The following CD4 variants were observed in gnomAD, a reference collection of about 807,000 sequenced individuals.
CD4 encodes the protein CD4 molecule, also known as T-cell surface glycoprotein CD4.
In CD4, 25 loss-of-function variants were observed where a neutral mutation model predicts 50.5. The observed-to-expected ratio is 0.49, with a 90% CI of 0.36 to 0.69. CD4 has a LOEUF of 0.69. CD4 is among the 30% of genes least tolerant of loss of function. CD4 has a pLI of 0.00. For synonymous variants in CD4, 207 were observed against 221.9 expected (o/e 0.93, Z 0.60); for missense variants, 456 against 548.5 (o/e 0.83, Z 1.68).
At chr12:6,807,035 C>G (rs997815691) in intron 3 of CD4, among the ~76,000 whole-genome samples, 1 of 151,860 alleles carries the variant, frequency 6.6e-6, no homozygotes, top group African/African-American at 2.4e-5. Flanking sequence ...GGCGTGGTGG[C>G]GGGCGCCTGT....
At chr12:6,801,293 G>A (rs1942537710) in intron 3 of CD4, among the ~76,000 whole-genome samples, 1 of 150,774 alleles carries the variant, frequency 6.6e-6, no homozygotes, top group Non-Finnish European at 1.5e-5. Context: ...GAGGTGGGCA[G>A]ATCACCGGNG....
intron 1 of CD4, among the ~76,000 whole-genome samples, chr12:6,797,807 A>G (rs986867720): frequency 6.6e-6 from 1 of 152,216 alleles, no homozygotes; most frequent in Non-Finnish European, 1.5e-5. Flanking sequence ...TCGCCTCCAG[A>G]CATAAGGCAG....
chr12:6,816,313 C>G lies in CD4; in HGVS notation c.865C>G (p.Pro289Ala). 1.9e-6 allele frequency: 3 copies of G among 1,614,204 alleles called. No individual in the cohort carries two copies. The highest frequency in any genetic ancestry group is 2.5e-6 in the Non-Finnish European group (3 of 1,180,016). Residue 289 changes from proline (P) to alanine (A), a missense_variant, in exon 6 of 10, where the codon CCT becomes GCT. Coordinates refer to ENST00000011653, the MANE Select transcript of CD4 (RefSeq NM_000616.5). The surrounding 1 kb of genome is among the most constrained non-coding windows in gnomAD (Gnocchi z 4.9). ...CCACCTCACCCTGCCCCAGGCCTTGCCTCAGTATGCTGGCTCTGGAAACCT... is the reference window on the plus strand; with the variant it reads ...CCACCTCACCCTGCCCCAGGCCTTGGCTCAGTATGCTGGCTCTGGAAACCT... ...PLHLTLPQALPQYAGSGNLTL... is the reference protein window; with the variant it reads ...PLHLTLPQALAQYAGSGNLTL...
chr12:6,797,100 C>A lies in CD4; in HGVS notation c.-67-2972C>A, dbSNP rs542200836. ...ACCCCCAGTTTCTGATTCAGCAGGT[C>A]TGGGGTGGGGCCGAGGATCTGCATT... is the stretch of plus-strand genomic sequence containing the variant. On this transcript the variant is annotated intron_variant, in intron 1 of 9. Transcript: ENST00000011653. 2.6e-5 allele frequency among the ~76,000 whole-genome samples: 4 copies of A among 152,312 alleles called. No individual in the cohort carries two copies. The South Asian group carries it at 8.3e-4, about 32-fold the overall frequency.
chr12:6,819,050 G>T, intron 9 of CD4, 136 bp downstream of exon 9: 1 of 736,616 alleles, frequency 1.4e-6, no homozygotes, highest in East Asian at 2.7e-5. Context: ...AGGAAGAGCT[G>T]GGAGGGGTGG....
chr12:6,794,845 C>T (rs1448337867), intron 1 of CD4, among the ~76,000 whole-genome samples: 14 of 134,664 alleles, frequency 1.0e-4, no homozygotes, highest in Middle Eastern at 5.2e-3. Flanking sequence ...AGTGCGGTGG[C>T]GCGATCTCAG....
chr12:6,800,705 G>A (rs1555115121), intron 3 of CD4, among the ~76,000 whole-genome samples: 1 of 152,102 alleles, frequency 6.6e-6, no homozygotes, highest in African/African-American at 2.4e-5. Context: ...ATTTTAGTGA[G>A]TTTTAGAACA....
chr12:6,803,323 G>A (rs1555115669), intron 3 of CD4, among the ~76,000 whole-genome samples: 1 of 151,394 alleles, frequency 6.6e-6, no homozygotes, highest in Non-Finnish European at 1.5e-5. Context: ...GCTAATTTTT[G>A]CATTTTTAGT....
At chr12:6,803,335 G>A (rs1221900265) in intron 3 of CD4, among the ~76,000 whole-genome samples, 1 of 151,682 alleles carries the variant, frequency 6.6e-6, no homozygotes, top group African/African-American at 2.4e-5. Context: ...ATTTTTAGTA[G>A]ATGGGGTTTC....
At position 6,792,121 on chromosome 12, in the gene CD4, T is replaced by C. The variant is rs1942179023; in HGVS notation, c.-68+2459T>C. ...AAGTTTATAGGAAGCTAGTCAGCAG[T>C]AGAGAGGGTGAACGCGGTGGGGCAC... On this transcript the variant is annotated intron_variant, in intron 1 of 9. Transcript: ENST00000011653. The surrounding 1 kb of genome is among the most constrained non-coding windows in gnomAD (Gnocchi z 4.1). 6.6e-6 allele frequency among the ~76,000 whole-genome samples: 1 copy of C among 152,036 alleles called. No individual in the cohort carries two copies.
At chr12:6,791,135 C>T (rs1942145876) in intron 1 of CD4, among the ~76,000 whole-genome samples, 1 of 152,246 alleles carries the variant, frequency 6.6e-6, no homozygotes, top group Non-Finnish European at 1.5e-5. Flanking sequence ...ACTCCTCCCA[C>T]CACTGGTGCT....
intron 3 of CD4, among the ~76,000 whole-genome samples, chr12:6,807,713 A>T (rs1555116393): frequency 6.6e-6 from 1 of 152,204 alleles, no homozygotes; most frequent in Non-Finnish European, 1.5e-5. Flanking sequence ...AGTAAACTGG[A>T]TAGAGGGCAC....
At chr12:6,795,314 C>A (rs931809679) in intron 1 of CD4, among the ~76,000 whole-genome samples, 2 of 136,114 alleles carry the variant, frequency 1.5e-5, no homozygotes, top group African/African-American at 5.0e-5. Flanking sequence ...ATCTATCTAC[C>A]TACCTGTCTA....
At position 6,819,334 on chromosome 12, in the gene CD4, C is replaced by T. The variant is rs202082987; in HGVS notation, c.*5C>T. 1.6e-5 allele frequency: 26 copies of T among 1,614,014 alleles called. No individual in the cohort carries two copies. Among genetic ancestry groups the T allele is most frequent in the Admixed American group, 3.3e-5 (2 of 60,022 alleles). ...AAGACATGTAGCCCCATTTGAGGCA[C>T]GAGGCCAGGCAGATCCCACTTGCAG... is the stretch of plus-strand genomic sequence containing the variant. On this transcript the variant is annotated 3_prime_UTR_variant, in exon 10 of 10. Transcript: ENST00000011653.
rs1943156619 is a variant in CD4, at chr12:6,818,248, C to T, written c.1157-173C>T. On this transcript the variant is annotated intron_variant, in intron 7 of 9. Transcript: ENST00000011653. The surrounding 1 kb of genome is among the most constrained non-coding windows in gnomAD (Gnocchi z 5.0). The stretch of plus-strand genomic sequence containing the variant: ...TGCCCTGGATATGGATATGCCCAAA[C>T]ATAAAACCGATTCCCCAGCACTGGC... Among the ~76,000 whole-genome samples the T allele has an allele frequency of 6.6e-6, 1 of 152,208 alleles. No homozygotes were observed. The highest frequency in any genetic ancestry group is 2.4e-5 in the African/African-American group (1 of 41,452).
At chr12:6,803,647 T>G (rs185824927) in intron 3 of CD4, among the ~76,000 whole-genome samples, 1,714 of 149,450 alleles carry the variant, frequency 0.011, 31 homozygotes, top group African/African-American at 0.039. Context: ...TAGCCAGGCG[T>G]GGTGGCGGGC....
intron 7 of CD4, among the ~76,000 whole-genome samples, chr12:6,817,835 ACACT>A (rs1943128579): frequency 6.7e-6 from 1 of 149,780 alleles, no homozygotes. Flanking sequence ...ACACTGTCAC[ACACT>A]CATACACACA....
intron 3 of CD4, among the ~76,000 whole-genome samples, chr12:6,808,034 C>G (rs1942818369): frequency 7.4e-6 from 1 of 134,738 alleles, no homozygotes; most frequent in South Asian, 2.3e-4. Context: ...GAGCCGAGAT[C>G]ACGCCACTAC....
chr12:6,790,115 C>G (rs1942111675), intron 1 of CD4, among the ~76,000 whole-genome samples: 1 of 141,040 alleles, frequency 7.1e-6, no homozygotes, highest in Non-Finnish European at 1.5e-5. Context: ...GGGAGGAAAC[C>G]TATAAAAAAG....
Sources: allele counts gnomAD v4.1 joint callset (sites outside exome capture counted in the v4.1 genomes callset), GRCh38; gene constraint gnomAD v4.1.1; non-coding constraint Gnocchi (gnomAD v3.1); transcripts MANE v1.5; gene names NCBI Gene and HGNC (gene_info 2026-07-23, HGNC 2026-07-21).